The following OSBPL9 variants were observed in gnomAD, a reference collection of about 807,000 sequenced individuals.
OSBPL9 encodes the protein oxysterol binding protein like 9.
In OSBPL9, 40 loss-of-function variants were observed where a neutral mutation model predicts 106.6. The ratio of observed to expected loss-of-function variants is 0.38; its 90% CI spans 0.29 to 0.49. The LOEUF (loss-of-function observed/expected upper bound fraction) is 0.49, where lower values mean the gene tolerates loss of function less well. Ranked by LOEUF, OSBPL9 falls within the 20% of genes least tolerant of loss-of-function variation. The probability of loss-of-function intolerance (pLI) is 0.97; values close to 1 mark genes in which losing one functional copy is unlikely to be tolerated. For missense variants in OSBPL9, 609 were observed against 887.2 expected, an observed-to-expected ratio of 0.69 and a Z score of 3.98; for synonymous variants, 269 against 295.4, an observed-to-expected ratio of 0.91 and a Z score of 0.92.
intron 2 of OSBPL9, among the ~76,000 whole-genome samples, chr1:51,657,723 T>C (rs1157152302): frequency 6.6e-6 from 1 of 152,222 alleles, no homozygotes; most frequent in Non-Finnish European, 1.5e-5. Context: ...TCCTGTGGTC[T>C]GATCCTCTCC....
chr1:51,588,683 G>A (rs969465278), intron 1 of OSBPL9, among the ~76,000 whole-genome samples: 3 of 152,116 alleles, frequency 2.0e-5, no homozygotes, highest in Admixed American at 6.6e-5. Context: ...AGACTCGCTG[G>A]TACACAATAA....
the OSBPL9 span, among the ~76,000 whole-genome samples, chr1:51,553,650 T>G: frequency 6.6e-6 from 1 of 152,232 alleles, no homozygotes; most frequent in South Asian, 2.1e-4. Context: ...GAAACCAGCC[T>G]GGGCAACATA....
At chr1:51,680,323 C>A (rs1652250150) in intron 3 of OSBPL9, among the ~76,000 whole-genome samples, 1 of 151,924 alleles carries the variant, frequency 6.6e-6, no homozygotes, top group South Asian at 2.1e-4. Context: ...AGTATTATGT[C>A]ATGATCCTTT....
At chr1:51,567,012 C>G in the OSBPL9 span, among the ~76,000 whole-genome samples, 6 of 152,222 alleles carry the variant, frequency 3.9e-5, no homozygotes, top group African/African-American at 7.2e-5. Context: ...GTTCCTGCCT[C>G]TCTCCATGCT....
chr1:51,703,984 G>A (rs544503444), intron 3 of OSBPL9, among the ~76,000 whole-genome samples: 1 of 152,334 alleles, frequency 6.6e-6, no homozygotes, highest in South Asian at 2.1e-4. Context: ...CAGGGATGAA[G>A]CCCACTTGAT....
At chr1:51,743,419 A>G (rs755251121) in intron 4 of OSBPL9, among the ~76,000 whole-genome samples, 1 of 152,234 alleles carries the variant, frequency 6.6e-6, no homozygotes, top group Non-Finnish European at 1.5e-5. Context: ...TAAGGTTTAG[A>G]TAGCAGTAAT....
At chr1:51,612,973 A>T (rs1033300985), upstream of OSBPL9, among the ~76,000 whole-genome samples, 1 of 152,202 alleles carries the variant, frequency 6.6e-6, no homozygotes, top group Non-Finnish European at 1.5e-5. Flanking sequence ...TCATATTTAA[A>T]ACGGGTGTGA....
At chr1:51,627,864 A>G (rs1420530606) in intron 1 of OSBPL9, among the ~76,000 whole-genome samples, 1 of 152,176 alleles carries the variant, frequency 6.6e-6, no homozygotes, top group Admixed American at 6.5e-5. Context: ...ATTCCAGCAG[A>G]GGTCCCCAGT....
At chr1:51,680,069 C>G (rs989760781) in intron 3 of OSBPL9, among the ~76,000 whole-genome samples, 2 of 152,094 alleles carry the variant, frequency 1.3e-5, no homozygotes, top group Non-Finnish European at 2.9e-5. Context: ...GCCTGGCCAA[C>G]ATGGCGAAAC....
At chr1:51,673,861 A>G (rs1038673839) in intron 3 of OSBPL9, among the ~76,000 whole-genome samples, 2 of 151,818 alleles carry the variant, frequency 1.3e-5, no homozygotes, top group African/African-American at 4.8e-5. Flanking sequence ...AGCCTGGGCA[A>G]TATAGTGATG....
chr1:51,594,467 T>G (rs1459384025), intron 1 of OSBPL9, among the ~76,000 whole-genome samples: 1 of 151,932 alleles, frequency 6.6e-6, no homozygotes, highest in Non-Finnish European at 1.5e-5. Context: ...AATTTCACAA[T>G]CACAATCAAT....
chr1:51,654,121 T>C (rs1430031177), intron 2 of OSBPL9, among the ~76,000 whole-genome samples: 1 of 152,154 alleles, frequency 6.6e-6, no homozygotes, highest in Non-Finnish European at 1.5e-5. Context: ...CCTCTGTCCA[T>C]TGTTTTTGCT....
chr1:51,568,748 G>T, the OSBPL9 span, among the ~76,000 whole-genome samples: 1 of 152,056 alleles, frequency 6.6e-6, no homozygotes, highest in East Asian at 1.9e-4. Context: ...TCTTTTTCTC[G>T]AGACGGAGTC....
rs945534735 is a variant in OSBPL9, at chr1:51,768,340, A to T, written c.938+2359A>T. ...GCAATTCTCCTGCCTCAGCCTCCTGAATAGCTGGGATTACAGGTGCCCACC... is the reference window on the plus strand; with the variant it reads ...GCAATTCTCCTGCCTCAGCCTCCTGTATAGCTGGGATTACAGGTGCCCACC... On this transcript the variant is annotated intron_variant, in intron 12 of 23. Coordinates refer to ENST00000428468, the MANE Select transcript of OSBPL9 (RefSeq NM_024586.6). 4.6e-5 allele frequency among the ~76,000 whole-genome samples: 7 copies of T among 150,548 alleles called. No individual in the cohort carries two copies. The East Asian group carries it at 1.2e-3, about 25-fold the overall frequency.
At chr1:51,537,487 T>C in the OSBPL9 span, among the ~76,000 whole-genome samples, 2 of 152,190 alleles carry the variant, frequency 1.3e-5, no homozygotes, top group African/African-American at 4.8e-5. Context: ...TGGAGTGTAA[T>C]TGCTTCTAGG....
intron 1 of OSBPL9, among the ~76,000 whole-genome samples, chr1:51,640,215 A>G (rs1323829619): frequency 6.6e-5 from 10 of 152,218 alleles, no homozygotes; most frequent in Admixed American, 6.5e-4. Context: ...GTTTGCACAA[A>G]ACTTTTTCAG....
chr1:51,616,557 A>G (rs1403471087), upstream of OSBPL9, among the ~76,000 whole-genome samples: 1 of 152,220 alleles, frequency 6.6e-6, no homozygotes, highest in Non-Finnish European at 1.5e-5. Flanking sequence ...TTGGGAATTT[A>G]AAATAGCAGT....
chr1:51,615,873 A>AT (rs1281625077), upstream of OSBPL9, among the ~76,000 whole-genome samples: 3 of 151,650 alleles, frequency 2.0e-5, no homozygotes, highest in Admixed American at 6.6e-5. Flanking sequence ...AGTATTGGAT[A>AT]TTTTTCTTGT....
intron 1 of OSBPL9, among the ~76,000 whole-genome samples, chr1:51,584,476 A>G (rs1645236905): frequency 6.6e-6 from 1 of 152,036 alleles, no homozygotes; most frequent in African/African-American, 2.4e-5. Context: ...TGGGAGGCCA[A>G]GCTGAGGCAG....
Sources: allele counts gnomAD v4.1 joint callset (sites outside exome capture counted in the v4.1 genomes callset), GRCh38; gene constraint gnomAD v4.1.1; transcripts MANE v1.5; gene names NCBI Gene and HGNC (gene_info 2026-07-23, HGNC 2026-07-21).